Variants in PLB1 observed in about 807,000 individuals in gnomAD.
PLB1 encodes phospholipase B1, membrane-associated.
In PLB1, 242 loss-of-function variants were observed where a neutral mutation model predicts 227.4. The observed-to-expected ratio is 1.06, with a 90% CI of 0.96 to 1.18. The LOEUF (loss-of-function observed/expected upper bound fraction) is 1.18. PLB1 is among the 50% of genes most tolerant of loss of function. The pLI, the probability that PLB1 is intolerant of heterozygous loss-of-function variation, is 0.00. For synonymous variants in PLB1, 757 were observed against 682.2 expected, an observed-to-expected ratio of 1.11 and a Z score of -1.71; for missense variants, 1,858 against 1,816.3, an observed-to-expected ratio of 1.02 and a Z score of -0.42.
chr2:28,597,971 C>T (rs770933637), intron 33 of PLB1, 34 bp from the exon 34 acceptor site: 4 of 1,595,988 alleles, frequency 2.5e-6, no homozygotes, highest in East Asian at 2.2e-5. Context: ...ATATGTCTCT[C>T]CCTCTCATTC....
chr2:28,598,777 G>A lies in PLB1; in HGVS notation c.2474+17G>A, dbSNP rs1490159448. On this transcript the variant is annotated intron_variant, in intron 35 of 57. Transcript: ENST00000327757. ...AAAGGCTGAGTATGGCATTTGGGGA[G>A]GGAGGGAGCCTGCAGAGCAGGGAGT... 5.6e-6 allele frequency: 9 copies of A among 1,594,884 alleles called. No homozygotes were observed. Among genetic ancestry groups the A allele is most frequent in the Non-Finnish European group, 7.7e-6 (9 of 1,162,518 alleles).
chr2:28,617,866 C>G, intron 45 of PLB1, 79 bp downstream of exon 45: 1 of 1,399,872 alleles, frequency 7.1e-7, no homozygotes, highest in Non-Finnish European at 1.0e-6. Context: ...GCAAACATAC[C>G]CTGGAGCTTT....
intron 51 of PLB1, among the ~76,000 whole-genome samples, chr2:28,626,987 TCA>T (rs1687888747): frequency 6.6e-6 from 1 of 152,190 alleles, no homozygotes; most frequent in African/African-American, 2.4e-5. Context: ...ATGTCCAGAC[TCA>T]CAAACTTCTG....
rs374672031 is a variant in PLB1, at chr2:28,497,357, C to T, written c.55+1188C>T. 1.3e-3 allele frequency among the ~76,000 whole-genome samples: 197 copies of T among 152,292 alleles called. 1 individual carries two copies. Among genetic ancestry groups the T allele is most frequent in the African/African-American group, 4.4e-3 (183 of 41,570 alleles). ...GCTACTTATTCAGAGCTCGCTGTAG[C>T]GAGACATCACTTATGTTTGGCCAAG... On this transcript the variant is annotated intron_variant, in intron 1 of 57. Transcript: ENST00000327757.
chr2:28,551,250 G>T (rs1225483723), intron 16 of PLB1, among the ~76,000 whole-genome samples: 3 of 152,226 alleles, frequency 2.0e-5, no homozygotes, highest in Non-Finnish European at 4.4e-5. Flanking sequence ...GTCCACACTG[G>T]TAGGGGGCCC....
At chr2:28,501,017 T>A (rs955302787) in intron 1 of PLB1, among the ~76,000 whole-genome samples, 4 of 152,200 alleles carry the variant, frequency 2.6e-5, no homozygotes, top group African/African-American at 9.7e-5. Flanking sequence ...AGGGGAGTGT[T>A]ATTTAGAAAC....
intron 49 of PLB1, 46 bp from the exon 50 acceptor site, chr2:28,625,011 C>T (rs200040499): frequency 8.9e-6 from 14 of 1,581,840 alleles, no homozygotes; most frequent in Middle Eastern, 1.7e-4. Flanking sequence ...CGTGAGTCCT[C>T]GCTCCTGAGC....
intron 52 of PLB1, 75 bp downstream of exon 52, chr2:28,628,703 TGA>T: frequency 6.9e-7 from 1 of 1,443,950 alleles, no homozygotes; most frequent in African/African-American, 1.4e-5. Context: ...CTGTGTTCAG[TGA>T]GATGCTCACG....
chr2:28,520,862 C>T (rs1285758974), intron 4 of PLB1, among the ~76,000 whole-genome samples: 1 of 152,088 alleles, frequency 6.6e-6, no homozygotes, highest in Non-Finnish European at 1.5e-5. Context: ...GTAATCCCAG[C>T]TACTTGGGAG....
At chr2:28,598,376 T>G (rs1324441402) in intron 34 of PLB1, among the ~76,000 whole-genome samples, 1 of 152,160 alleles carries the variant, frequency 6.6e-6, no homozygotes, top group African/African-American at 2.4e-5. Flanking sequence ...TGAGACAAAT[T>G]AGGTAGTGAC....
intron 33 of PLB1, 117 bp downstream of exon 33, chr2:28,593,871 T>C: frequency 1.1e-6 from 1 of 911,028 alleles, no homozygotes; most frequent in Non-Finnish European, 1.8e-6. Context: ...GAAGGGGCTT[T>C]CAGAAAGAAA....
At chr2:28,578,761 G>A (rs1204202231) in intron 22 of PLB1, among the ~76,000 whole-genome samples, 4 of 152,166 alleles carry the variant, frequency 2.6e-5, no homozygotes, top group African/African-American at 9.7e-5. Flanking sequence ...GGAAGATTAG[G>A]ATGAGTTATG....
intron 9 of PLB1, among the ~76,000 whole-genome samples, chr2:28,534,671 T>A (rs774821968): frequency 6.6e-6 from 1 of 152,018 alleles, no homozygotes; most frequent in Non-Finnish European, 1.5e-5. Context: ...CTGGCCAATA[T>A]GGTGAAACCC....
chr2:28,600,241 A>G (rs1471370791), intron 35 of PLB1, among the ~76,000 whole-genome samples: 1 of 152,226 alleles, frequency 6.6e-6, no homozygotes, highest in Non-Finnish European at 1.5e-5. Context: ...AAGCATGTGT[A>G]GAGCACATAT....
chr2:28,642,962 C>A lies in PLB1; in HGVS notation c.4278C>A (p.Val1426=). 6.2e-7 allele frequency: 1 copy of A among 1,609,288 alleles called. No individual in the cohort carries two copies. The highest frequency in any genetic ancestry group is 1.7e-5 in the Admixed American group (1 of 59,478). ...GGGCTGTCCCAGTGGCAGCGGGAGT[C>A]GGCCTTGTGGTGGGCATCATCGGGA... ...LYWAVPVAAG[V]GLVVGIIGTV... The change falls in exon 58 of 58, where the codon GTC becomes GTA. Residue 1426 remains valine, a synonymous_variant. Transcript: ENST00000327757.
At chr2:28,619,162 T>A (rs1472222466) in intron 46 of PLB1, among the ~76,000 whole-genome samples, 1 of 152,230 alleles carries the variant, frequency 6.6e-6, no homozygotes, top group Non-Finnish European at 1.5e-5. Context: ...GCCTGGTACC[T>A]ATGAGTTATG....
intron 17 of PLB1, among the ~76,000 whole-genome samples, chr2:28,562,558 A>AAAAG (rs1261725245): frequency 6.8e-6 from 1 of 147,658 alleles, no homozygotes; most frequent in Non-Finnish European, 1.5e-5. Context: ...AAAAAAAAAA[A>AAAAG]AGTCAGTGGC....
intron 20 of PLB1, among the ~76,000 whole-genome samples, chr2:28,569,424 A>AC (rs1366429500): frequency 1.3e-5 from 2 of 152,140 alleles, no homozygotes; most frequent in Admixed American, 6.5e-5. Flanking sequence ...GTGTGGATCC[A>AC]TATTAGTAAA....
rs752647702 is a variant in PLB1 at position 28,543,218 on chromosome 2, C to A, written c.886C>A (p.Pro296Thr). 6.2e-7 allele frequency: 1 copy of A among 1,610,446 alleles called. No individual in the cohort carries two copies. The highest frequency in any genetic ancestry group is 1.1e-5 in the South Asian group (1 of 89,952). ...TCAACTGGTTCTCTTTTAGGAGGAC[C>A]CCCGACTCCAGGATTCTACCACGCT... ...ETTPSLHSED[P>T]RLQDSTTLAW... The change falls in exon 14 of 58, where the codon CCC (proline) becomes ACC (threonine). Residue 296 changes from proline to threonine, a missense_variant. Physicochemically the swap from Pro to Thr is conservative, Grantham distance 38 (BLOSUM62 -1). Transcript: ENST00000327757.
Sources: allele counts gnomAD v4.1 joint callset (sites outside exome capture counted in the v4.1 genomes callset), GRCh38; gene constraint gnomAD v4.1.1; transcripts MANE v1.5; gene names NCBI Gene and HGNC (gene_info 2026-07-23, HGNC 2026-07-21).